Variants in GNB4 observed in about 807,000 individuals in gnomAD.
The protein encoded by GNB4 is G protein subunit beta 4.
Under a neutral mutation model 45.2 loss-of-function variants are expected in GNB4, and 28 were observed. The ratio of observed to expected loss-of-function variants is 0.62; its 90% confidence interval spans 0.46 to 0.85. The LOEUF is 0.85. Among genes scored for constraint, GNB4 ranks in the 40% least tolerant of loss-of-function variants. GNB4 has a pLI of 0.00. For missense variants in GNB4, 321 were observed against 425.4 expected, an observed-to-expected ratio of 0.75 and a Z score of 2.16; for synonymous variants, 132 against 143.7, an observed-to-expected ratio of 0.92 and a Z score of 0.58.
At chr3:179,517,489 G>A in the GNB4 span, among the ~76,000 whole-genome samples, 3 of 152,098 alleles carry the variant, frequency 2.0e-5, no homozygotes, top group Admixed American at 6.6e-5. Flanking sequence ...AAATTTTGGT[G>A]CCGTGACTCG....
the GNB4 span, among the ~76,000 whole-genome samples, chr3:179,498,979 A>G: frequency 6.6e-6 from 1 of 150,712 alleles, no homozygotes; most frequent in African/African-American, 2.4e-5. Context: ...ATGGGTTCTC[A>G]TTGTTCAACT....
the GNB4 span, among the ~76,000 whole-genome samples, chr3:179,508,380 C>T: frequency 6.6e-6 from 1 of 152,222 alleles, no homozygotes; most frequent in Admixed American, 6.5e-5. Flanking sequence ...AGACCCCTCA[C>T]TGGAGAGGCA....
At position 179,409,608 on chromosome 3, in the gene GNB4, G is replaced by A. The variant is rs189858363; in HGVS notation, c.699+3804C>T. On this transcript the variant is annotated intron_variant, in intron 8 of 9. Transcript: ENST00000232564. The stretch of plus-strand genomic sequence containing the variant: ...AGGCAGATCACGAGGTCAAGAGATC[G>A]AGACCATCCTGGCCAACATGGTGAA... Among the ~76,000 whole-genome samples, 11 of 151,840 alleles carry A rather than the reference G, an allele frequency of 7.2e-5. No homozygotes were observed. The East Asian group carries it at 1.7e-3, about 24-fold the overall frequency.
chr3:179,440,690 T>C (rs1338864559), intron 1 of GNB4, among the ~76,000 whole-genome samples: 1 of 152,122 alleles, frequency 6.6e-6, no homozygotes, highest in Non-Finnish European at 1.5e-5. Context: ...GAACAGGATA[T>C]GTCATCAATG....
the GNB4 span, among the ~76,000 whole-genome samples, chr3:179,518,113 C>T: frequency 1.3e-5 from 2 of 152,130 alleles, no homozygotes; most frequent in Non-Finnish European, 2.9e-5. Flanking sequence ...CCATTCCTCC[C>T]TCTTCTCCCT....
chr3:179,403,297 A>C (rs1714359851), intron 9 of GNB4, among the ~76,000 whole-genome samples: 2 of 151,174 alleles, frequency 1.3e-5, no homozygotes, highest in African/African-American at 4.9e-5. Context: ...AAACCCCAAA[A>C]ATGAAGAAAA....
the GNB4 span, among the ~76,000 whole-genome samples, chr3:179,524,553 A>C: frequency 6.6e-6 from 1 of 152,192 alleles, no homozygotes. Flanking sequence ...GGCGAGGTGA[A>C]TTAAGTCCTG....
At chr3:179,451,732 C>G (rs1715887736), upstream of GNB4, 1 of 152,156 alleles carries the variant, frequency 6.6e-6, no homozygotes, top group Non-Finnish European at 1.5e-5. Context: ...GTTTCGTTTT[C>G]TTGTTGGTGT....
chr3:179,408,414 T>C (rs373535153), intron 8 of GNB4, among the ~76,000 whole-genome samples: 2 of 151,618 alleles, frequency 1.3e-5, no homozygotes, highest in African/African-American at 4.8e-5. Flanking sequence ...AGAACATGAG[T>C]GAGCTCTGGG....
chr3:179,402,185 T>C (rs1008863413), intron 9 of GNB4, among the ~76,000 whole-genome samples: 1 of 152,194 alleles, frequency 6.6e-6, no homozygotes, highest in African/African-American at 2.4e-5. Context: ...ATGAACATTG[T>C]GGCTAAATAC....
chr3:179,522,409 G>A, the GNB4 span, among the ~76,000 whole-genome samples: 3 of 152,190 alleles, frequency 2.0e-5, no homozygotes, highest in African/African-American at 4.8e-5. Context: ...CAGCCCGCCT[G>A]CACCCAGTTG....
the GNB4 span, among the ~76,000 whole-genome samples, chr3:179,511,326 G>C: frequency 6.6e-6 from 1 of 152,124 alleles, no homozygotes; most frequent in African/African-American, 2.4e-5. Context: ...TTTATATCCA[G>C]CATCTGATAT....
the GNB4 span, among the ~76,000 whole-genome samples, chr3:179,470,777 C>T: frequency 5.9e-5 from 9 of 151,622 alleles, no homozygotes; most frequent in Non-Finnish European, 1.3e-4. Flanking sequence ...TCACCGTGCC[C>T]GCAAGAAAAT....
chr3:179,455,482 C>T (rs943647561), upstream of GNB4, among the ~76,000 whole-genome samples: 6 of 152,172 alleles, frequency 3.9e-5, no homozygotes, highest in African/African-American at 7.2e-5. Flanking sequence ...AATTCTAATA[C>T]GATTGACAAA....
intron 1 of GNB4, among the ~76,000 whole-genome samples, chr3:179,449,508 G>C (rs1715816560): frequency 6.6e-6 from 1 of 152,148 alleles, no homozygotes; most frequent in South Asian, 2.1e-4. Flanking sequence ...ATATGGCTCA[G>C]GGGAAAGAAC....
chr3:179,500,324 A>G, the GNB4 span, among the ~76,000 whole-genome samples: 2 of 152,168 alleles, frequency 1.3e-5, no homozygotes, highest in South Asian at 2.1e-4. Flanking sequence ...TCCCAATACC[A>G]TTTATTAAAT....
chr3:179,478,617 C>T, the GNB4 span, among the ~76,000 whole-genome samples: 1 of 152,128 alleles, frequency 6.6e-6, no homozygotes, highest in African/African-American at 2.4e-5. Context: ...TATCATGGCT[C>T]ACTTACAGCC....
rs1404155246 is a variant in GNB4 at position 179,398,504 on chromosome 3, CAG to C, written c.*2707_*2708del. 6.7e-6 allele frequency: 1 copy of C among 148,424 alleles called. No individual in the cohort carries two copies. The highest frequency in any genetic ancestry group is 1.5e-5 in the Non-Finnish European group (1 of 67,628). The allele number at this position is 148,424 out of a possible 1,614,324, so 9.2% of individuals were successfully genotyped here. ...CCACTGTACACTCCAGCCTGGGTGACAGAGTGAGACTCTGTCTTTAAAAAAAA... is the reference window on the plus strand; with the variant it reads ...CCACTGTACACTCCAGCCTGGGTGACAGTGAGACTCTGTCTTTAAAAAAAA... On this transcript the variant is annotated 3_prime_UTR_variant, in exon 10 of 10. Coordinates refer to ENST00000232564, the MANE Select transcript of GNB4 (RefSeq NM_021629.4).
At chr3:179,473,767 G>A in the GNB4 span, among the ~76,000 whole-genome samples, 2 of 152,118 alleles carry the variant, frequency 1.3e-5, no homozygotes, top group South Asian at 2.1e-4. Flanking sequence ...AGAAATTCCA[G>A]CCTGTTATAT....
Sources: gnomAD v4.1 joint callset for allele counts (sites outside exome capture counted in the v4.1 genomes callset) on GRCh38, gnomAD v4.1.1 for gene constraint, MANE v1.5 for transcripts, NCBI Gene and HGNC (gene_info 2026-07-23, HGNC 2026-07-21) for gene names.